The following GALNT13 variants were observed in gnomAD, a reference collection of about 807,000 sequenced individuals.
The protein encoded by GALNT13 is UDP-GalNAc:polypeptide N-acetylgalactosaminyltransferase 13.
A neutral mutation model predicts 64.2 loss-of-function variants in GALNT13; 28 were observed. The observed-to-expected ratio is 0.44, with a 90% CI of 0.32 to 0.60. The LOEUF is 0.60. GALNT13 is among the 20% of genes least tolerant of loss of function. The probability of loss-of-function intolerance (pLI) is 0.05; values close to 1 mark genes in which losing one functional copy is unlikely to be tolerated. For synonymous variants in GALNT13, 214 were observed against 224.6 expected (o/e 0.95, Z 0.42); for missense variants, 577 against 669.8 (o/e 0.86, Z 1.53).
chr2:153,464,044 T>C, the GALNT13 span, among the ~76,000 whole-genome samples: 1 of 152,088 alleles, frequency 6.6e-6, no homozygotes, highest in Non-Finnish European at 1.5e-5. Flanking sequence ...GCTGTGGTTC[T>C]CTGGACAAAA....
the GALNT13 span, among the ~76,000 whole-genome samples, chr2:153,630,455 ACATGTACAC>A: frequency 8.1e-6 from 1 of 124,198 alleles, no homozygotes; most frequent in African/African-American, 3.0e-5. Flanking sequence ...CAATGAGAAC[ACATGTACAC>A]AGGAGGGGGA....
rs561427391 is a variant in GALNT13 at position 154,030,597 on chromosome 2, C to T, written c.142+85958C>T. Among the ~76,000 whole-genome samples the T allele has an allele frequency of 1.6e-4, 24 of 152,032 alleles. No individual in the cohort carries two copies. The South Asian group carries it at 1.9e-3, about 12-fold the overall frequency. On this transcript the variant is annotated intron_variant, in intron 3 of 12. Transcript: ENST00000392825. ...ATATGGTTTGGTTCTGTGTCCCCAC[C>T]GAAATCTCACATCAAATTGTAATTG...
intron 3 of GALNT13, among the ~76,000 whole-genome samples, chr2:154,028,652 T>C (rs1408449235): frequency 6.6e-6 from 1 of 152,114 alleles, no homozygotes; most frequent in Non-Finnish European, 1.5e-5. Flanking sequence ...TTGTTTAACT[T>C]GACTCACATT....
At chr2:153,173,109 ATATC>A in the GALNT13 span, 1 of 152,172 alleles carries the variant, frequency 6.6e-6, no homozygotes, top group African/African-American at 2.4e-5. Flanking sequence ...GTCTATATCT[ATATC>A]TATATAATTC....
At chr2:153,333,885 T>A in the GALNT13 span, among the ~76,000 whole-genome samples, 1 of 152,218 alleles carries the variant, frequency 6.6e-6, no homozygotes, top group East Asian at 1.9e-4. Flanking sequence ...TAATTTTGAA[T>A]CCTCAAATAG....
chr2:153,979,927 G>C (rs1343953291), intron 3 of GALNT13, among the ~76,000 whole-genome samples: 1 of 152,142 alleles, frequency 6.6e-6, no homozygotes, highest in African/African-American at 2.4e-5. Flanking sequence ...AATGGATAGA[G>C]ACTGATGGAA....
the GALNT13 span, among the ~76,000 whole-genome samples, chr2:153,795,118 T>C: frequency 6.6e-6 from 1 of 152,192 alleles, no homozygotes; most frequent in Admixed American, 6.5e-5. Flanking sequence ...GAACTTTTCC[T>C]CACCATGTTA....
the GALNT13 span, among the ~76,000 whole-genome samples, chr2:153,606,884 G>A: frequency 1.6e-4 from 21 of 131,514 alleles, no homozygotes; most frequent in African/African-American, 3.5e-4. Flanking sequence ...TTTTTTTTTC[G>A]TGGACACTTT....
chr2:153,403,745 C>T, the GALNT13 span, among the ~76,000 whole-genome samples: 3 of 152,210 alleles, frequency 2.0e-5, no homozygotes, highest in Admixed American at 1.3e-4. Context: ...TCCCTGACCC[C>T]TTGCGCTTCC....
the GALNT13 span, among the ~76,000 whole-genome samples, chr2:153,399,308 G>A: frequency 3.9e-5 from 6 of 152,190 alleles, no homozygotes; most frequent in African/African-American, 7.2e-5. Context: ...GCAGTACCAC[G>A]CTGTTTTGGT....
At chr2:153,874,644 G>T (rs1278721115) in intron 1 of GALNT13, among the ~76,000 whole-genome samples, 1 of 152,056 alleles carries the variant, frequency 6.6e-6, no homozygotes, top group Non-Finnish European at 1.5e-5. Context: ...CGGATCATAG[G>T]CTTCCAAGTT....
chr2:153,571,490 TAACA>T, the GALNT13 span, among the ~76,000 whole-genome samples: 10 of 152,056 alleles, frequency 6.6e-5, no homozygotes, highest in African/African-American at 2.4e-4. Flanking sequence ...CTATGTTGAA[TAACA>T]GTGATGAAAG....
chr2:153,888,767 A>C (rs1687354099), intron 1 of GALNT13, among the ~76,000 whole-genome samples: 1 of 152,052 alleles, frequency 6.6e-6, no homozygotes, highest in Non-Finnish European at 1.5e-5. Flanking sequence ...ATGTACTCAC[A>C]GACAGACAAT....
At chr2:154,180,589 A>G (rs1217667656) in intron 4 of GALNT13, among the ~76,000 whole-genome samples, 5 of 152,134 alleles carry the variant, frequency 3.3e-5, no homozygotes, top group African/African-American at 9.6e-5. Context: ...AAAATCCACA[A>G]CCATGTATAA....
chr2:153,616,332 G>C, the GALNT13 span, among the ~76,000 whole-genome samples: 1 of 151,742 alleles, frequency 6.6e-6, no homozygotes, highest in African/African-American at 2.4e-5. Flanking sequence ...GGTTACTGTA[G>C]CTCTAATGTA....
chr2:154,301,968 A>T (rs1693465830), intron 9 of GALNT13, among the ~76,000 whole-genome samples: 1 of 152,082 alleles, frequency 6.6e-6, no homozygotes. Flanking sequence ...ATTTAAATTT[A>T]TATTTCTGAA....
chr2:153,626,861 G>A, the GALNT13 span, among the ~76,000 whole-genome samples: 4 of 152,140 alleles, frequency 2.6e-5, no homozygotes, highest in South Asian at 2.1e-4. Flanking sequence ...TTTGCTGAGC[G>A]CTGGTTTGAA....
intron 2 of GALNT13, among the ~76,000 whole-genome samples, chr2:153,930,252 G>A (rs937530430): frequency 6.6e-6 from 1 of 152,102 alleles, no homozygotes; most frequent in African/African-American, 2.4e-5. Flanking sequence ...TCTGATGGAT[G>A]CATAGTTTGC....
rs192122771 is a variant in GALNT13, at chr2:154,351,542, G to A, written c.1157-44449G>A. ...ACTAAAAATACAAAAAATTAGCCGG[G>A]CATGGTGGCGGGCACCTGTAGTCCC... On this transcript the variant is annotated intron_variant, in intron 9 of 12. Transcript: ENST00000392825. 7.0e-3 allele frequency among the ~76,000 whole-genome samples: 1,061 copies of A among 151,942 alleles called. 12 individuals carry two copies. The highest frequency in any genetic ancestry group is 0.024 in the African/African-American group (1,012 of 41,464).
Sources: allele counts gnomAD v4.1 joint callset (sites outside exome capture counted in the v4.1 genomes callset), GRCh38; gene constraint gnomAD v4.1.1; transcripts MANE v1.5; gene names NCBI Gene and HGNC (gene_info 2026-07-23, HGNC 2026-07-21).